Variants in SOX5 observed in about 807,000 individuals in gnomAD.
SOX5 encodes the protein SRY-box transcription factor 5.
Under a neutral mutation model 92.0 loss-of-function variants are expected in SOX5, and 9 were observed. The ratio of observed to expected loss-of-function variants is 0.10; its 90% CI spans 0.06 to 0.17. The LOEUF is 0.17. SOX5 is among the 10% of genes least tolerant of loss of function. The pLI is 1.00. For synonymous variants in SOX5, 344 were observed against 336.3 expected (o/e 1.02, Z -0.25); for missense variants, 642 against 944.5 (o/e 0.68, Z 4.20).
chr12:23,860,975 A>AAAAAAAAAAAAAC (rs2096750800), intron 2 of SOX5, among the ~76,000 whole-genome samples: 1 of 150,268 alleles, frequency 6.7e-6, no homozygotes, highest in Admixed American at 6.6e-5. Context: ...AAAAAAAAAA[A>AAAAAAAAAAAAAC]AAACCCTGCC....
intron 3 of SOX5, among the ~76,000 whole-genome samples, chr12:23,819,593 G>A (rs532529967): frequency 7.2e-5 from 11 of 151,966 alleles, no homozygotes; most frequent in African/African-American, 2.4e-4. Context: ...CCCACTCCCC[G>A]ACAGGCCGTG....
intron 10 of SOX5, among the ~76,000 whole-genome samples, chr12:23,571,585 G>T (rs1277341282): frequency 1.3e-5 from 2 of 152,096 alleles, no homozygotes; most frequent in African/African-American, 4.8e-5. Flanking sequence ...ATGCAGAGTG[G>T]CTACCAAAAG....
At chr12:23,568,805 C>T (rs1380113380) in intron 10 of SOX5, among the ~76,000 whole-genome samples, 1 of 151,952 alleles carries the variant, frequency 6.6e-6, no homozygotes, top group African/African-American at 2.4e-5. Flanking sequence ...TATGCCTTGG[C>T]CTCCTAACTG....
chr12:24,192,027 T>C lies in SOX5; in HGVS notation c.-2+21316A>G, dbSNP rs115812734. On this transcript the variant is annotated intron_variant, in intron 4 of 4. Transcript: ENST00000446891. ...GACAAATTATTAGTGATAAAAGTAC[T>C]ATATTCTAGCTTAAAGTTTACTTTA... 5.8e-3 allele frequency among the ~76,000 whole-genome samples: 884 copies of C among 152,372 alleles called. 9 individuals are homozygous for C. The highest frequency in any genetic ancestry group is 0.021 in the African/African-American group (859 of 41,590).
At chr12:24,043,819 CA>C (rs146567959) in intron 4 of SOX5, among the ~76,000 whole-genome samples, 2,517 of 152,154 alleles carry the variant, frequency 0.017, 58 homozygotes, top group African/African-American at 0.058. Flanking sequence ...AGGAGAAGAA[CA>C]ATATATAATT....
At chr12:23,551,086 T>A (rs569064072) in intron 11 of SOX5, among the ~76,000 whole-genome samples, 2 of 151,944 alleles carry the variant, frequency 1.3e-5, no homozygotes, top group Non-Finnish European at 2.9e-5. Context: ...CACAAAGCTA[T>A]AAAAGTCATA....
chr12:24,412,136 G>A (rs925954140), intron 1 of SOX5, among the ~76,000 whole-genome samples: 9 of 152,012 alleles, frequency 5.9e-5, no homozygotes, highest in African/African-American at 1.2e-4. Flanking sequence ...GTATCGATAC[G>A]ATCGATAAAT....
At chr12:23,539,135 A>G (rs1250700336) in intron 13 of SOX5, among the ~76,000 whole-genome samples, 1 of 152,074 alleles carries the variant, frequency 6.6e-6, no homozygotes, top group Non-Finnish European at 1.5e-5. Context: ...GGAATTGCCA[A>G]AGATTCTTCC....
At chr12:24,536,951 G>C (rs1342917714) in intron 1 of SOX5, among the ~76,000 whole-genome samples, 2 of 152,144 alleles carry the variant, frequency 1.3e-5, no homozygotes, top group Admixed American at 1.3e-4. Flanking sequence ...AACTGTAGAA[G>C]AGACAGTCAT....
chr12:24,366,027 T>A (rs1412485090), intron 2 of SOX5, among the ~76,000 whole-genome samples: 1 of 152,158 alleles, frequency 6.6e-6, no homozygotes, highest in Non-Finnish European at 1.5e-5. Flanking sequence ...AACAACTCAT[T>A]ATCCTGGATG....
intron 11 of SOX5, among the ~76,000 whole-genome samples, chr12:23,550,637 C>A (rs1268401069): frequency 6.6e-6 from 1 of 151,588 alleles, no homozygotes; most frequent in Non-Finnish European, 1.5e-5. Context: ...AGAAATTTCC[C>A]CTCTTTGTCT....
At chr12:24,085,956 TAAAAA>T (rs144400872) in intron 4 of SOX5, among the ~76,000 whole-genome samples, 1 of 138,474 alleles carries the variant, frequency 7.2e-6, no homozygotes, top group Non-Finnish European at 1.6e-5. Flanking sequence ...ACGGATATGC[TAAAAA>T]AAAAAAAAAA....
intron 1 of SOX5, among the ~76,000 whole-genome samples, chr12:24,559,270 C>A (rs1183151124): frequency 6.6e-6 from 1 of 152,220 alleles, no homozygotes; most frequent in African/African-American, 2.4e-5. Context: ...ACTCTCAAAA[C>A]TCCAATTATA....
chr12:24,075,227 TCA>T (rs1475876192), intron 4 of SOX5, among the ~76,000 whole-genome samples: 1 of 133,298 alleles, frequency 7.5e-6, no homozygotes, highest in Non-Finnish European at 1.5e-5. Flanking sequence ...TATGATACCA[TCA>T]CTGCACTCCA....
chr12:23,796,132 A>G (rs915294013), intron 3 of SOX5, among the ~76,000 whole-genome samples: 1 of 152,146 alleles, frequency 6.6e-6, no homozygotes, highest in South Asian at 2.1e-4. Flanking sequence ...TTAAATTATA[A>G]TGAATCCATG....
intron 9 of SOX5, among the ~76,000 whole-genome samples, chr12:23,579,778 TTAAA>T (rs1341600593): frequency 6.6e-6 from 1 of 152,078 alleles, no homozygotes; most frequent in African/African-American, 2.4e-5. Context: ...TTTAAACATG[TTAAA>T]TAAATTACTT....
At chr12:24,196,349 A>G (rs1469601288) in intron 4 of SOX5, among the ~76,000 whole-genome samples, 1 of 152,280 alleles carries the variant, frequency 6.6e-6, no homozygotes, top group East Asian at 1.9e-4. Flanking sequence ...ATGTACAAAA[A>G]GAAAACAGTA....
At chr12:23,868,156 A>G (rs945140085) in intron 2 of SOX5, among the ~76,000 whole-genome samples, 7 of 151,274 alleles carry the variant, frequency 4.6e-5, no homozygotes, top group African/African-American at 1.7e-4. Flanking sequence ...GTGTAAAAAC[A>G]TCACCTGCTT....
intron 6 of SOX5, among the ~76,000 whole-genome samples, chr12:23,701,378 C>CT (rs1383073214): frequency 6.6e-6 from 1 of 151,744 alleles, no homozygotes; most frequent in Non-Finnish European, 1.5e-5. Flanking sequence ...AAAAAGGATC[C>CT]TTTTCTTAAG....
Sources: allele counts gnomAD v4.1 joint callset (sites outside exome capture counted in the v4.1 genomes callset), GRCh38; gene constraint gnomAD v4.1.1; transcripts MANE v1.5; gene names NCBI Gene and HGNC (gene_info 2026-07-23, HGNC 2026-07-21).